Variants in FAM149A observed in about 807,000 individuals in gnomAD.
FAM149A encodes the protein family with sequence similarity 149 member A, also known as protein FAM149A.
A neutral mutation model predicts 78.2 loss-of-function variants in FAM149A; 71 were observed. The observed-to-expected ratio is 0.91, with a 90% CI of 0.75 to 1.11. FAM149A has a LOEUF of 1.11. FAM149A is among the 50% of genes least tolerant of loss of function. The pLI, the probability that FAM149A is intolerant of heterozygous loss-of-function variation, is 0.00. For synonymous variants in FAM149A, 446 were observed against 410.5 expected, an observed-to-expected ratio of 1.09 and a Z score of -1.04; for missense variants, 1,036 against 971.0, an observed-to-expected ratio of 1.07 and a Z score of -0.89.
chr4:186,163,358 C>A, intron 9 of FAM149A, 66 bp from the exon 10 acceptor site: 2 of 1,322,534 alleles, frequency 1.5e-6, no homozygotes, highest in Non-Finnish European at 2.2e-6. Context: ...CAACTAAGCA[C>A]AGACAGGTGC....
intron 8 of FAM149A, 195 bp downstream of exon 8, chr4:186,157,914 G>A (rs567830591): frequency 5.9e-6 from 9 of 1,533,342 alleles, no homozygotes; most frequent in African/African-American, 4.1e-5. Context: ...AGACCTGGAC[G>A]TCCTGCCTAT....
In FAM149A at chr4:186,123,367, G is replaced by A. The variant is rs192440669; in HGVS notation, c.566+17725G>A. On this transcript the variant is annotated intron_variant, in intron 1 of 13. Transcript: ENST00000389354. ...ACCTTTATGAGATGGGTGAATTTTC[G>A]TCTCATGGACATGTGCTGATGTTGG... 3.3e-5 allele frequency: 33 copies of A among 985,374 alleles called. No individual in the cohort carries two copies. In the East Asian group the frequency reaches 4.5e-4, roughly 14 times the overall value. The allele number at this position is 985,374 out of a possible 1,614,324, so 61.0% of individuals were successfully genotyped here.
chr4:186,123,621 CCAAA>C (rs1201231306), intron 1 of FAM149A, among the ~76,000 whole-genome samples: 2 of 152,156 alleles, frequency 1.3e-5, no homozygotes, highest in Non-Finnish European at 2.9e-5. Flanking sequence ...GGATCAAGGA[CCAAA>C]CACTTTCCCT....
intron 6 of FAM149A, 131 bp from the exon 7 acceptor site, chr4:186,155,869 A>G (rs1733999094): frequency 3.2e-6 from 2 of 628,010 alleles, no homozygotes; most frequent in Non-Finnish European, 4.8e-6. Flanking sequence ...ATGTTAAAAA[A>G]GAACGATGCT....
At chr4:186,107,983 G>A (rs2099309482) in intron 1 of FAM149A, among the ~76,000 whole-genome samples, 1 of 152,104 alleles carries the variant, frequency 6.6e-6, no homozygotes. Context: ...TATTAAGACG[G>A]CTTTTCTTTC....
chr4:186,125,712 T>C (rs2099318035), intron 1 of FAM149A: 1 of 984,434 alleles, frequency 1.0e-6, no homozygotes, highest in Non-Finnish European at 1.2e-6. Context: ...GAATTAACAC[T>C]ACTATTATTG....
rs148351262 is a variant in FAM149A at position 186,150,024 on chromosome 4, G to C, written c.789+320G>C. On this transcript the variant is annotated intron_variant, in intron 3 of 13. Coordinates refer to ENST00000389354, the MANE Select transcript of FAM149A (RefSeq NM_001367768.3). The stretch of plus-strand genomic sequence containing the variant: ...ATCCATGGCCGGAAATTCAGGACTT[G>C]AATAAGAAAGAAATGCTGGAAAAGT... 1.6e-3 allele frequency among the ~76,000 whole-genome samples: 239 copies of C among 152,294 alleles called. 1 individual carries two copies. The highest frequency in any genetic ancestry group is 2.4e-3 in the African/African-American group (98 of 41,568).
chr4:186,105,593 G>T lies in FAM149A; in HGVS notation c.517G>T (p.Asp173Tyr). ...CAGAACCCTGTTCCTTACGCTGCCTGACATCGGCGAGGAGGGGGCCTCGGA... is the reference window on the plus strand; with the variant it reads ...CAGAACCCTGTTCCTTACGCTGCCTTACATCGGCGAGGAGGGGGCCTCGGA... Residue 173 changes from aspartate to tyrosine, a missense_variant, in exon 1 of 14, where the codon GAC becomes TAC. This residue lies in a region of FAM149A where 316 missense variants were observed against 241.9 expected (regional missense o/e 1.31). Transcript: ENST00000389354. 9.5e-7 allele frequency: 1 copy of T among 1,057,284 alleles called. No individual in the cohort carries two copies. The allele number at this position is 1,057,284 out of a possible 1,614,324, so 65.5% of individuals were successfully genotyped here.
rs561562396 is a variant in FAM149A at position 186,150,963 on chromosome 4, G to A, written c.790-940G>A. On this transcript the variant is annotated intron_variant, in intron 3 of 13. Transcript: ENST00000389354. ...TTTCGAACTCCTGACGTTGTGATCC[G>A]CCTGCCTGGGCCTCCCATGGCATGA... The A allele has an allele frequency of 1.5e-4, 128 of 871,716 alleles. No individual in the cohort carries two copies. In the African/African-American group the frequency reaches 2.1e-3, roughly 14 times the overall value. 54.0% of individuals were successfully genotyped at this position (871,716 alleles called of 1,614,324 possible).
At chr4:186,123,722 G>T (rs972988781) in intron 1 of FAM149A, 18 of 501,576 alleles carry the variant, frequency 3.6e-5, no homozygotes, top group African/African-American at 3.5e-4. Context: ...TTCATCTCTG[G>T]TCTAGGATTC....
At position 186,104,923 on chromosome 4, in the gene FAM149A, C is replaced by T. The variant is rs1275882599; in HGVS notation, c.-154C>T. On this transcript the variant is annotated 5_prime_UTR_variant, in exon 1 of 14. Transcript: ENST00000389354. ...GAAGGGCGACCCCAGCGGCGCGGAG[C>T]TGAGCGTCCTCGGGGAGGAGAGGGA... is the stretch of plus-strand genomic sequence containing the variant. 3 of 975,718 alleles carry T rather than the reference C, an allele frequency of 3.1e-6. No individual in the cohort carries two copies. Among genetic ancestry groups the T allele is most frequent in the African/African-American group, 3.5e-5 (2 of 57,012 alleles). The allele number at this position is 975,718 out of a possible 1,614,324, so 60.4% of individuals were successfully genotyped here. A position where few individuals can be genotyped will look rare whatever the true frequency, so the allele number is the denominator to read the frequency against.
chr4:186,157,818 C>T, intron 8 of FAM149A, 99 bp downstream of exon 8: 1 of 1,559,448 alleles, frequency 6.4e-7, no homozygotes, highest in South Asian at 1.2e-5. Context: ...ATATTTGGGG[C>T]TGCTTTCCAC....
chr4:186,159,793 A>G (rs1397378157), intron 8 of FAM149A, among the ~76,000 whole-genome samples: 2 of 152,034 alleles, frequency 1.3e-5, no homozygotes, highest in Non-Finnish European at 2.9e-5. Context: ...AGTGGTGCCA[A>G]GGAGGTTGTT....
At chr4:186,137,000 C>CTCTCTCTCTCTCTCTCTCTCTT (rs2099323555) in intron 1 of FAM149A, among the ~76,000 whole-genome samples, 1 of 136,850 alleles carries the variant, frequency 7.3e-6, no homozygotes, top group African/African-American at 2.9e-5. Context: ...CTCTCTCTCT[C>CTCTCTCTCTCTCTCTCTCTCTT]TCTCTCTCTC....
chr4:186,142,474 T>G (rs1242463284), intron 1 of FAM149A, among the ~76,000 whole-genome samples: 1 of 152,218 alleles, frequency 6.6e-6, no homozygotes, highest in African/African-American at 2.4e-5. Context: ...AAGACGGCTG[T>G]AGGTTCTTCC....
chr4:186,165,306 T>C (rs960292305), intron 10 of FAM149A, 38 bp from the exon 11 acceptor site: 2 of 1,612,882 alleles, frequency 1.2e-6, no homozygotes, highest in Non-Finnish European at 1.7e-6. Context: ...CAGTTATCCA[T>C]GTACCTGGGT....
chr4:186,105,998 G>C (rs896451161), intron 1 of FAM149A, among the ~76,000 whole-genome samples: 1 of 152,142 alleles, frequency 6.6e-6, no homozygotes, highest in African/African-American at 2.4e-5. Context: ...AATATAGCAG[G>C]TGTGCAGGGA....
At chr4:186,129,315 A>C (rs991078460) in intron 1 of FAM149A, among the ~76,000 whole-genome samples, 34 of 152,278 alleles carry the variant, frequency 2.2e-4, no homozygotes, top group African/African-American at 7.9e-4. Flanking sequence ...ATATTGGTCA[A>C]GGATTGACCA....
At chr4:186,156,510 C>T (rs534119909) in intron 7 of FAM149A, among the ~76,000 whole-genome samples, 1 of 152,224 alleles carries the variant, frequency 6.6e-6, no homozygotes, top group East Asian at 1.9e-4. Context: ...CCTACCTCTA[C>T]TAAAAATACA....
Sources: gnomAD v4.1 joint callset for allele counts (sites outside exome capture counted in the v4.1 genomes callset) on GRCh38, gnomAD v4.1.1 for gene constraint, gnomAD v4.1.1 regional missense constraint, MANE v1.5 for transcripts, NCBI Gene and HGNC (gene_info 2026-07-23, HGNC 2026-07-21) for gene names.